The following SEMA5A variants were observed in gnomAD, a reference collection of about 807,000 sequenced individuals.
SEMA5A encodes semaphorin-5A.
A neutral mutation model predicts 135.5 loss-of-function variants in SEMA5A; 55 were observed. The observed-to-expected ratio is 0.41, with a 90% confidence interval of 0.33 to 0.51. The LOEUF (loss-of-function observed/expected upper bound fraction) is 0.51, where lower values mean the gene tolerates loss of function less well. Among genes scored for constraint, SEMA5A ranks in the 20% least tolerant of loss-of-function variants. The pLI is 0.37. For missense variants in SEMA5A, 1,290 were observed against 1,419.9 expected, an observed-to-expected ratio of 0.91 and a Z score of 1.47; for synonymous variants, 580 against 546.5, an observed-to-expected ratio of 1.06 and a Z score of -0.85.
intron 11 of SEMA5A, among the ~76,000 whole-genome samples, chr5:9,159,012 G>A (rs562190725): frequency 6.6e-6 from 1 of 152,134 alleles, no homozygotes; most frequent in South Asian, 2.1e-4. Flanking sequence ...TATTATTCAT[G>A]ATTTATCTGA....
At chr5:9,472,275 A>G (rs1759503416) in intron 1 of SEMA5A, among the ~76,000 whole-genome samples, 1 of 152,170 alleles carries the variant, frequency 6.6e-6, no homozygotes, top group African/African-American at 2.4e-5. Flanking sequence ...TTTTTCTTCT[A>G]TCTGCCTCAT....
intron 3 of SEMA5A, among the ~76,000 whole-genome samples, chr5:9,350,365 G>A (rs1561173407): frequency 6.6e-6 from 1 of 152,216 alleles, no homozygotes; most frequent in Non-Finnish European, 1.5e-5. Context: ...CAGGTCTGCG[G>A]TATTCAAGCC....
intron 2 of SEMA5A, among the ~76,000 whole-genome samples, chr5:9,392,592 T>C (rs1029821015): frequency 6.6e-6 from 1 of 152,186 alleles, no homozygotes; most frequent in Non-Finnish European, 1.5e-5. Context: ...TGTATGCTTG[T>C]GTGGGAGGAA....
intron 1 of SEMA5A, among the ~76,000 whole-genome samples, chr5:9,455,078 A>G (rs1212967232): frequency 1.3e-5 from 2 of 152,138 alleles, no homozygotes; most frequent in Non-Finnish European, 2.9e-5. Flanking sequence ...CAAACTCAAG[A>G]GTTACAAATA....
At chr5:9,401,753 C>T (rs1756668743) in intron 2 of SEMA5A, among the ~76,000 whole-genome samples, 1 of 152,150 alleles carries the variant, frequency 6.6e-6, no homozygotes, top group Non-Finnish European at 1.5e-5. Context: ...TAGGAGTTTT[C>T]CTTAAAAAAT....
intron 12 of SEMA5A, among the ~76,000 whole-genome samples, chr5:9,142,308 A>C (rs1742106310): frequency 6.6e-6 from 1 of 152,170 alleles, no homozygotes; most frequent in African/African-American, 2.4e-5. Context: ...ACCTTTTTGC[A>C]GAGAGATCAG....
At chr5:9,293,074 T>C (rs1323929913) in intron 5 of SEMA5A, among the ~76,000 whole-genome samples, 1 of 152,188 alleles carries the variant, frequency 6.6e-6, no homozygotes, top group Non-Finnish European at 1.5e-5. Context: ...TTGGTAGCAC[T>C]GTTTCATATC....
At chr5:9,153,728 T>G (rs1742766576) in intron 12 of SEMA5A, among the ~76,000 whole-genome samples, 1 of 152,064 alleles carries the variant, frequency 6.6e-6, no homozygotes, top group African/African-American at 2.4e-5. Context: ...ATAATATTTT[T>G]TGTTATTTCT....
chr5:9,285,387 G>T lies in SEMA5A; in HGVS notation c.270+32985C>A, dbSNP rs1435391222. ...AATCACTGGGCCGTGAACCCGCCAA[G>T]ACAGTGGCCTTTGAGTCAGTTTGAA... On this transcript the variant is annotated intron_variant, in intron 5 of 22. Coordinates refer to ENST00000382496, the MANE Select transcript of SEMA5A (RefSeq NM_003966.3). 2.0e-5 allele frequency among the ~76,000 whole-genome samples: 3 copies of T among 152,148 alleles called. 1 individual carries two copies. Among genetic ancestry groups the T allele is most frequent in the Non-Finnish European group, 4.4e-5 (3 of 68,034 alleles).
intron 1 of SEMA5A, among the ~76,000 whole-genome samples, chr5:9,459,572 T>G (rs1251590041): frequency 6.6e-6 from 1 of 152,168 alleles, no homozygotes; most frequent in Non-Finnish European, 1.5e-5. Flanking sequence ...CAGCTGAGCA[T>G]TCAGATGAGA....
At chr5:9,079,070 C>T (rs1252264827) in intron 16 of SEMA5A, among the ~76,000 whole-genome samples, 2 of 152,040 alleles carry the variant, frequency 1.3e-5, no homozygotes, top group Non-Finnish European at 2.9e-5. Flanking sequence ...TACCAACTTG[C>T]TTTTTACCTG....
intron 5 of SEMA5A, among the ~76,000 whole-genome samples, chr5:9,304,628 A>T (rs570827892): frequency 6.6e-6 from 1 of 152,294 alleles, no homozygotes; most frequent in African/African-American, 2.4e-5. Context: ...TTTGTAACTA[A>T]TAATATTTTA....
intron 9 of SEMA5A, 30 bp from the exon 10 acceptor site, chr5:9,197,333 T>C: frequency 1.2e-6 from 2 of 1,604,244 alleles, no homozygotes; most frequent in Non-Finnish European, 1.7e-6. Context: ...GAGAAGGCAG[T>C]CAGAGAGCTC....
chr5:9,183,162 G>A (rs1249070883), intron 11 of SEMA5A, among the ~76,000 whole-genome samples: 3 of 152,148 alleles, frequency 2.0e-5, no homozygotes, highest in Non-Finnish European at 4.4e-5. Context: ...GCAGGAAAGA[G>A]CAGGAAGTGG....
At chr5:9,125,110 G>A (rs989062968) in intron 13 of SEMA5A, among the ~76,000 whole-genome samples, 8 of 145,942 alleles carry the variant, frequency 5.5e-5, no homozygotes, top group Non-Finnish European at 1.1e-4. Context: ...AATACAATAG[G>A]AACTAACATG....
intron 5 of SEMA5A, among the ~76,000 whole-genome samples, chr5:9,279,359 T>G (rs1750427137): frequency 6.6e-6 from 1 of 152,194 alleles, no homozygotes; most frequent in African/African-American, 2.4e-5. Context: ...CTACTGTTTC[T>G]TGGAAGTAAC....
rs151290290 is a variant in SEMA5A at position 9,242,597 on chromosome 5, G to C, written c.271-4707C>G. 1.1e-4 allele frequency among the ~76,000 whole-genome samples: 17 copies of C among 152,140 alleles called. No individual in the cohort carries two copies. The East Asian group carries it at 3.3e-3, about 29-fold the overall frequency. On this transcript the variant is annotated intron_variant, in intron 5 of 22. Transcript: ENST00000382496. ...GCAAAGGCAAAAGAATGATACACTA[G>C]ACTTTGAGGACTTATGGGGAAGAGT...
At chr5:9,346,205 A>G (rs1280151416) in intron 3 of SEMA5A, among the ~76,000 whole-genome samples, 1 of 152,128 alleles carries the variant, frequency 6.6e-6, no homozygotes, top group Non-Finnish European at 1.5e-5. Flanking sequence ...CTTCAGAGGG[A>G]CAGTTTGATG....
intron 2 of SEMA5A, among the ~76,000 whole-genome samples, chr5:9,385,883 C>T (rs1755865610): frequency 6.8e-6 from 1 of 146,344 alleles, no homozygotes; most frequent in African/African-American, 2.5e-5. Context: ...CTCACTGCAA[C>T]CTCTGCCTCC....
Sources: allele counts gnomAD v4.1 joint callset (sites outside exome capture counted in the v4.1 genomes callset), GRCh38; gene constraint gnomAD v4.1.1; transcripts MANE v1.5; gene names NCBI Gene and HGNC (gene_info 2026-07-23, HGNC 2026-07-21).